Variants in CCDC93 observed in about 807,000 individuals in gnomAD.
CCDC93 encodes the protein CCC complex scaffolding subunit CCDC93.
A neutral mutation model predicts 108.2 loss-of-function variants in CCDC93; 61 were observed. The observed-to-expected ratio is 0.56, with a 90% CI of 0.46 to 0.70. The LOEUF is 0.70. Among genes scored for constraint, CCDC93 ranks in the 30% least tolerant of loss-of-function variants. CCDC93 has a pLI of 0.00. For synonymous variants in CCDC93, 276 were observed against 260.4 expected, an observed-to-expected ratio of 1.06 and a Z score of -0.58; for missense variants, 685 against 764.2, an observed-to-expected ratio of 0.90 and a Z score of 1.22.
At chr2:117,995,821 CTCTG>C (rs544610750) in intron 5 of CCDC93, 48 of 230,086 alleles carry the variant, frequency 2.1e-4, no homozygotes, top group African/African-American at 9.1e-4. Context: ...GCCTCAGTTT[CTCTG>C]TCTATGAAAC....
chr2:118,010,296 C>T (rs781142796), intron 1 of CCDC93, among the ~76,000 whole-genome samples: 47 of 152,140 alleles, frequency 3.1e-4, no homozygotes, highest in Admixed American at 2.6e-4. Context: ...TTTATATCCT[C>T]CTTTTACCCC....
chr2:117,977,612 C>A (rs1367932244), intron 8 of CCDC93, among the ~76,000 whole-genome samples: 1 of 152,206 alleles, frequency 6.6e-6, no homozygotes, highest in Admixed American at 6.5e-5. Flanking sequence ...AGAGGGCAGG[C>A]CTGTAATTCA....
At chr2:117,968,018 A>G (rs1022639145) in intron 11 of CCDC93, among the ~76,000 whole-genome samples, 3 of 152,224 alleles carry the variant, frequency 2.0e-5, no homozygotes, top group African/African-American at 7.2e-5. Context: ...AGATTCACCA[A>G]GACAAATCTG....
intron 6 of CCDC93, among the ~76,000 whole-genome samples, chr2:117,991,994 A>C (rs1375493870): frequency 6.6e-6 from 1 of 152,084 alleles, no homozygotes; most frequent in African/African-American, 2.4e-5. Context: ...GGTAGAAGGG[A>C]GGGAGGAAAG....
At chr2:117,985,317 G>T in intron 7 of CCDC93, 1 of 228,090 alleles carries the variant, frequency 4.4e-6, no homozygotes, top group Non-Finnish European at 7.3e-6. Context: ...CCCTACAAGG[G>T]TTGGGCTGTG....
chr2:117,992,690 C>T (rs1214586493), intron 6 of CCDC93, among the ~76,000 whole-genome samples: 1 of 152,046 alleles, frequency 6.6e-6, no homozygotes, highest in Non-Finnish European at 1.5e-5. Flanking sequence ...TATAACCTAC[C>T]TGTGTTTCAG....
At chr2:117,936,612 TG>T in intron 21 of CCDC93, 89 bp downstream of exon 21, 1 of 1,018,900 alleles carries the variant, frequency 9.8e-7, no homozygotes, top group Non-Finnish European at 1.6e-6. Context: ...CATGTACCTT[TG>T]TCAAGCACAT....
At chr2:117,947,981 A>T in intron 15 of CCDC93, 124 bp downstream of exon 15, 1 of 758,392 alleles carries the variant, frequency 1.3e-6, no homozygotes, top group Non-Finnish European at 2.3e-6. Flanking sequence ...GGCATGAGCC[A>T]CTGCGCCTGG....
chr2:117,918,272 T>C lies in CCDC93; in HGVS notation c.*2071A>G, dbSNP rs1019599277. ...CTTCTGTAGTCTAATTCAAAGTGTA[T>C]TCAGGCAACAAAAACTGATTTATCC... is the stretch of plus-strand genomic sequence containing the variant. On this transcript the variant is annotated 3_prime_UTR_variant, in exon 24 of 24. Transcript: ENST00000376300. 1.4e-4 allele frequency: 21 copies of C among 152,064 alleles called. No homozygotes were observed. The highest frequency in any genetic ancestry group is 4.8e-4 in the African/African-American group (20 of 41,460). 9.4% of individuals were successfully genotyped at this position (152,064 alleles called of 1,614,324 possible).
Position 117,978,029 on chromosome 2 carries a change from T to C in CCDC93, c.622A>G (p.Arg208Gly), listed in dbSNP as rs1307411031. 10 of 1,613,530 alleles carry C rather than the reference T, an allele frequency of 6.2e-6. No individual in the cohort carries two copies. The highest frequency in any genetic ancestry group is 8.5e-6 in the Non-Finnish European group (10 of 1,179,598). ...TTGCTCTGGCGGCTAAATCCATATC[T>C]CCTGCAGGCCACAAAAAAGGAGTTT... is the stretch of plus-strand genomic sequence containing the variant. ...IHATLLEYGR[R>G]YGFSRQSKME... Residue 208 changes from arginine to glycine, a missense_variant and splice_region_variant, in exon 8 of 24, where the codon AGA becomes GGA. By Grantham distance (125) the Arg-to-Gly change is moderately radical. Transcript: ENST00000376300.
intron 11 of CCDC93, among the ~76,000 whole-genome samples, chr2:117,972,662 G>T (rs1047144206): frequency 6.6e-6 from 1 of 151,990 alleles, no homozygotes; most frequent in Non-Finnish European, 1.5e-5. Context: ...GCAACATAAG[G>T]GCGGGTATAA....
chr2:117,955,930 T>C (rs1679203242), intron 12 of CCDC93, among the ~76,000 whole-genome samples: 1 of 152,228 alleles, frequency 6.6e-6, no homozygotes, highest in South Asian at 2.1e-4. Flanking sequence ...GCTTGCTCTA[T>C]TTATTCTTAT....
intron 17 of CCDC93, among the ~76,000 whole-genome samples, chr2:117,945,233 G>A (rs1678829601): frequency 6.6e-6 from 1 of 152,180 alleles, no homozygotes; most frequent in East Asian, 1.9e-4. Flanking sequence ...ACCAGCATAT[G>A]CGGCCAACGC....
chr2:117,933,831 G>C (rs754529091), intron 22 of CCDC93, among the ~76,000 whole-genome samples: 2 of 151,874 alleles, frequency 1.3e-5, no homozygotes, highest in African/African-American at 2.4e-5. Context: ...ACTGCTCTTT[G>C]ACTCTGTTGA....
Position 117,935,596 on chromosome 2 carries a change from T to G in CCDC93, c.1644-17A>C. Reference sequence around the variant, plus strand: ...GCCATGGCCCTGAAAGAAAAACCAGTAGAGTTATGACCGGCACACAGGACT... The same window carrying G: ...GCCATGGCCCTGAAAGAAAAACCAGGAGAGTTATGACCGGCACACAGGACT... On this transcript the variant is annotated splice_polypyrimidine_tract_variant and intron_variant, in intron 21 of 23. Transcript: ENST00000376300. The G allele has an allele frequency of 6.3e-7, 1 of 1,591,682 alleles. No individual in the cohort carries two copies.
intron 13 of CCDC93, chr2:117,951,233 G>A (rs1193340800): frequency 1.0e-6 from 1 of 985,124 alleles, no homozygotes; most frequent in East Asian, 1.1e-4. Flanking sequence ...ATCACAGAGG[G>A]CTCCCAACCC....
chr2:117,975,373 A>C, intron 8 of CCDC93, 93 bp from the exon 9 acceptor site: 1 of 911,210 alleles, frequency 1.1e-6, no homozygotes, highest in East Asian at 2.4e-5. Flanking sequence ...TCTGTGAAAA[A>C]AACACAGACC....
chr2:117,931,406 G>A (rs1045756392), intron 22 of CCDC93: 19 of 350,696 alleles, frequency 5.4e-5, no homozygotes, highest in Non-Finnish European at 9.4e-5. Context: ...ACAATGGACA[G>A]GTTGGTGATT....
Position 117,948,154 on chromosome 2 carries a change from A to G in CCDC93, c.1175T>C (p.Met392Thr). Residue 392 changes from methionine to threonine, a missense_variant, in exon 15 of 24, where the codon ATG becomes ACG. By Grantham distance (81) the Met-to-Thr change is moderately conservative. Coordinates refer to ENST00000376300, the MANE Select transcript of CCDC93 (RefSeq NM_019044.5). ...ILQNLRALVA[M>T]NENLKSQEQE... ...TTCTTGACTTTTCAGATTTTCATTC[A>G]TGGCTACAAGTGCTCTCAGGTTCTG... 6.2e-7 allele frequency: 1 copy of G among 1,613,958 alleles called. No individual in the cohort carries two copies. Among genetic ancestry groups the G allele is most frequent in the Non-Finnish European group, 8.5e-7 (1 of 1,179,826 alleles).
Sources: gnomAD v4.1 joint callset for allele counts (sites outside exome capture counted in the v4.1 genomes callset) on GRCh38, gnomAD v4.1.1 for gene constraint, MANE v1.5 for transcripts, NCBI Gene and HGNC (gene_info 2026-07-23, HGNC 2026-07-21) for gene names.